Variants in ROBO2 observed in about 807,000 individuals in gnomAD.
The protein encoded by ROBO2 is roundabout guidance receptor 2.
A neutral mutation model predicts 160.8 loss-of-function variants in ROBO2; 53 were observed. The observed-to-expected ratio is 0.33, with a 90% CI of 0.26 to 0.41. The LOEUF (loss-of-function observed/expected upper bound fraction) is 0.41. Ranked by LOEUF, ROBO2 falls within the 10% of genes least tolerant of loss-of-function variation. ROBO2 has a pLI of 1.00. For synonymous variants in ROBO2, 664 were observed against 611.7 expected, an observed-to-expected ratio of 1.09 and a Z score of -1.26; for missense variants, 1,577 against 1,722.4, an observed-to-expected ratio of 0.92 and a Z score of 1.49.
intron 2 of ROBO2, among the ~76,000 whole-genome samples, chr3:76,389,666 A>G (rs1432843829): frequency 1.3e-5 from 2 of 152,232 alleles, no homozygotes; most frequent in African/African-American, 2.4e-5. Context: ...AAAGGCATAC[A>G]TTATCCCCAT....
intron 2 of ROBO2, among the ~76,000 whole-genome samples, chr3:76,459,349 C>T (rs2077960760): frequency 6.6e-6 from 1 of 152,064 alleles, no homozygotes; most frequent in Admixed American, 6.5e-5. Context: ...AACGGTGTAA[C>T]ATTCATTAGA....
intron 6 of ROBO2, among the ~76,000 whole-genome samples, chr3:77,536,471 TTCTC>T (rs757852062): frequency 7.9e-5 from 12 of 151,958 alleles, no homozygotes; most frequent in Non-Finnish European, 1.3e-4. Flanking sequence ...CTCTCTCTCT[TTCTC>T]TCTCTATGGT....
intron 2 of ROBO2, among the ~76,000 whole-genome samples, chr3:77,022,755 T>A (rs1359430776): frequency 6.6e-6 from 1 of 152,220 alleles, no homozygotes; most frequent in Non-Finnish European, 1.5e-5. Flanking sequence ...TAAAATGACA[T>A]GAGAATTAAC....
intron 2 of ROBO2, among the ~76,000 whole-genome samples, chr3:76,529,142 CAA>C (rs1332879397): frequency 1.3e-5 from 2 of 152,012 alleles, no homozygotes; most frequent in Non-Finnish European, 2.9e-5. Flanking sequence ...ATAAAACAGA[CAA>C]GAGAATAACA....
intron 2 of ROBO2, among the ~76,000 whole-genome samples, chr3:77,398,172 T>C (rs2075455463): frequency 6.6e-6 from 1 of 152,160 alleles, no homozygotes; most frequent in Non-Finnish European, 1.5e-5. Flanking sequence ...CTGGGTTTAA[T>C]TGAGCTTTAG....
intron 2 of ROBO2, among the ~76,000 whole-genome samples, chr3:76,321,125 A>G (rs1483327919): frequency 6.6e-6 from 1 of 152,218 alleles, no homozygotes; most frequent in Non-Finnish European, 1.5e-5. Flanking sequence ...CATGACCTGT[A>G]AATTATGCAT....
chr3:76,679,510 CT>C, intron 2 of ROBO2, among the ~76,000 whole-genome samples: 1 of 152,196 alleles, frequency 6.6e-6, no homozygotes, highest in Admixed American at 6.5e-5. Context: ...TATAGGCATG[CT>C]TTATGCTGCC....
At chr3:76,497,395 T>C (rs1238747048) in intron 2 of ROBO2, among the ~76,000 whole-genome samples, 3 of 152,108 alleles carry the variant, frequency 2.0e-5, no homozygotes, top group Non-Finnish European at 2.9e-5. Flanking sequence ...GAGGCCTCAC[T>C]GTGTTGCCCA....
At chr3:76,656,934 T>TAA (rs900344109) in intron 2 of ROBO2, among the ~76,000 whole-genome samples, 20 of 152,042 alleles carry the variant, frequency 1.3e-4, no homozygotes, top group Non-Finnish European at 8.8e-5. Flanking sequence ...ATTTAGTCTT[T>TAA]AACTGGCTCT....
At chr3:77,072,169 C>T (rs997583116) in intron 1 of ROBO2, among the ~76,000 whole-genome samples, 2 of 152,114 alleles carry the variant, frequency 1.3e-5, no homozygotes, top group Non-Finnish European at 2.9e-5. Flanking sequence ...TGCGTGCTGC[C>T]TATGAGAACC....
At chr3:76,509,238 T>G (rs1379060725) in intron 2 of ROBO2, among the ~76,000 whole-genome samples, 1 of 152,152 alleles carries the variant, frequency 6.6e-6, no homozygotes, top group Non-Finnish European at 1.5e-5. Flanking sequence ...TGACTCTCAG[T>G]TGCAGGCAGC....
chr3:77,176,722 T>C (rs1252486615), intron 2 of ROBO2, among the ~76,000 whole-genome samples: 2 of 151,978 alleles, frequency 1.3e-5, no homozygotes, highest in African/African-American at 4.8e-5. Flanking sequence ...ACATTTTACA[T>C]TTTTTAGGAA....
At chr3:77,637,065 G>A (rs754032914) in intron 24 of ROBO2, among the ~76,000 whole-genome samples, 1 of 152,078 alleles carries the variant, frequency 6.6e-6, no homozygotes, top group Non-Finnish European at 1.5e-5. Flanking sequence ...AACACCAAAA[G>A]GATAAACTTT....
intron 2 of ROBO2, among the ~76,000 whole-genome samples, chr3:76,855,456 C>A (rs990390509): frequency 6.6e-6 from 1 of 152,180 alleles, no homozygotes; most frequent in Non-Finnish European, 1.5e-5. Flanking sequence ...AAATTTCAGA[C>A]CTTTGCAATC....
At chr3:76,596,821 C>T (rs1560207473) in intron 2 of ROBO2, among the ~76,000 whole-genome samples, 1 of 152,028 alleles carries the variant, frequency 6.6e-6, no homozygotes, top group African/African-American at 2.4e-5. Context: ...TAACAGCTGT[C>T]ATTATAATGC....
At position 77,292,184 on chromosome 3, in the gene ROBO2, C is replaced by T. The variant is rs533799472; in HGVS notation, c.389-185230C>T. On this transcript the variant is annotated intron_variant, in intron 2 of 25. Transcript: ENST00000461745. The stretch of plus-strand genomic sequence containing the variant: ...TAAGCTGAGGCTAGATCACGCCAGA[C>T]ATAAAGTAAAATTGATGGTTAAACG... Among the ~76,000 whole-genome samples the T allele has an allele frequency of 2.0e-3, 295 of 149,690 alleles. 1 individual carries two copies. The highest frequency in any genetic ancestry group is 3.5e-3 in the Non-Finnish European group (238 of 67,620).
intron 1 of ROBO2, among the ~76,000 whole-genome samples, chr3:77,068,204 A>G (rs1559940564): frequency 6.6e-6 from 1 of 152,166 alleles, no homozygotes. Flanking sequence ...CTGAGAGTGC[A>G]CAGGCTTTTG....
intron 20 of ROBO2, among the ~76,000 whole-genome samples, chr3:77,607,000 T>C (rs1260672575): frequency 6.6e-6 from 1 of 152,238 alleles, no homozygotes; most frequent in Non-Finnish European, 1.5e-5. Flanking sequence ...ACCATGGCAC[T>C]GTCCAAATGA....
intron 2 of ROBO2, among the ~76,000 whole-genome samples, chr3:76,329,328 A>G (rs2108002711): frequency 6.6e-6 from 1 of 152,268 alleles, no homozygotes; most frequent in South Asian, 2.1e-4. Flanking sequence ...AGCAGTGTTC[A>G]TGCCTCAGCC....
Sources: gnomAD v4.1 joint callset for allele counts (sites outside exome capture counted in the v4.1 genomes callset) on GRCh38, gnomAD v4.1.1 for gene constraint, MANE v1.5 for transcripts, NCBI Gene and HGNC (gene_info 2026-07-23, HGNC 2026-07-21) for gene names.